Variants in KIF21A observed in about 807,000 individuals in gnomAD.
KIF21A encodes the protein kinesin-like protein KIF21A.
A neutral mutation model predicts 202.9 loss-of-function variants in KIF21A; 114 were observed. The ratio of observed to expected loss-of-function variants is 0.56; its 90% confidence interval spans 0.48 to 0.66. The LOEUF (loss-of-function observed/expected upper bound fraction) is 0.66, where lower values mean the gene tolerates loss of function less well. Ranked by LOEUF, KIF21A falls within the 30% of genes least tolerant of loss-of-function variation. The pLI is 0.00. For synonymous variants in KIF21A, 667 were observed against 670.8 expected (o/e 0.99, Z 0.09); for missense variants, 1,677 against 1,994.9 (o/e 0.84, Z 3.04).
intron 1 of KIF21A, among the ~76,000 whole-genome samples, chr12:39,398,986 G>C (rs965238162): frequency 6.6e-6 from 1 of 152,176 alleles, no homozygotes; most frequent in Admixed American, 6.5e-5. Context: ...CACTTTGGGA[G>C]GCTGAGGCAG....
chr12:39,335,320 G>C (rs1050309001), intron 17 of KIF21A, among the ~76,000 whole-genome samples: 1 of 150,916 alleles, frequency 6.6e-6, no homozygotes, highest in African/African-American at 2.4e-5. Flanking sequence ...GCTGAGGCAG[G>C]AGAATGGCTT....
intron 12 of KIF21A, among the ~76,000 whole-genome samples, chr12:39,343,963 A>G (rs181924190): frequency 1.3e-5 from 2 of 152,222 alleles, no homozygotes; most frequent in South Asian, 4.1e-4. Context: ...TCAAAGATGC[A>G]TAAAGATGCA....
intron 1 of KIF21A, among the ~76,000 whole-genome samples, chr12:39,371,563 A>T (rs1240768640): frequency 6.6e-6 from 1 of 152,214 alleles, no homozygotes; most frequent in Non-Finnish European, 1.5e-5. Flanking sequence ...CACTTACTGT[A>T]CCAAAGTTTT....
At chr12:39,357,005 T>C (rs778059770) in intron 9 of KIF21A, 110 bp from the exon 10 acceptor site, 75 of 688,026 alleles carry the variant, frequency 1.1e-4, no homozygotes, top group Non-Finnish European at 1.8e-4. Context: ...ACACAATTCT[T>C]ACAGCAAATT....
At position 39,341,701 on chromosome 12, in the gene KIF21A, G is replaced by C. The variant is rs551495944; in HGVS notation, c.1804-79C>G. The C allele has an allele frequency of 2.0e-5, 29 of 1,430,364 alleles. No individual in the cohort carries two copies. In the Admixed American group the frequency reaches 5.7e-4, roughly 28 times the overall value. The allele number at this position is 1,430,364 out of a possible 1,614,324, so 88.6% of individuals were successfully genotyped here. On this transcript the variant is annotated intron_variant, in intron 13 of 37. Transcript: ENST00000361418. ...TCCCTCATTGAGAGAGGCTGCTGGA[G>C]TACAAAGTACGGAAACATAAAAAAA...
chr12:39,420,150 T>A (rs1359406280), intron 1 of KIF21A, among the ~76,000 whole-genome samples: 1 of 148,380 alleles, frequency 6.7e-6, no homozygotes, highest in Non-Finnish European at 1.5e-5. Flanking sequence ...GTTTGACGAG[T>A]CACAGATATG....
In KIF21A at chr12:39,340,272, G is replaced by T. The variant is rs763620963; in HGVS notation, c.2203C>A (p.Leu735Ile). Residue 735 changes from leucine (L) to isoleucine (I), a missense_variant, in exon 16 of 38, where the codon CTT becomes ATT. Physicochemically the swap from Leu to Ile is conservative, Grantham distance 5. Transcript: ENST00000361418. ...LQAMNKELQR[L>I]QAAQKEHARL... ...GCATGTTCTTTTTGAGCTGCTTGAA[G>T]TCTCTGCAGTTCTTTGTTCATGGCT... is the stretch of plus-strand genomic sequence containing the variant. 3 of 1,613,020 alleles carry T rather than the reference G, an allele frequency of 1.9e-6. No individual in the cohort carries two copies. In the Admixed American group the frequency reaches 5.0e-5, roughly 27 times the overall value.
chr12:39,365,844 T>C (rs1321533878), intron 6 of KIF21A, among the ~76,000 whole-genome samples: 1 of 151,866 alleles, frequency 6.6e-6, no homozygotes, highest in African/African-American at 2.4e-5. Flanking sequence ...ACCCCATCTC[T>C]ACAAAAAATA....
At chr12:39,308,461 A>T (rs991181053) in intron 33 of KIF21A, among the ~76,000 whole-genome samples, 2 of 151,814 alleles carry the variant, frequency 1.3e-5, no homozygotes, top group African/African-American at 4.8e-5. Context: ...CAGAAGCACC[A>T]CCCCACTCCA....
At chr12:39,380,199 C>T (rs1387783514) in intron 1 of KIF21A, among the ~76,000 whole-genome samples, 2 of 152,188 alleles carry the variant, frequency 1.3e-5, no homozygotes, top group Non-Finnish European at 2.9e-5. Context: ...AACTCCTGTG[C>T]TCAGGCAATC....
intron 8 of KIF21A, among the ~76,000 whole-genome samples, chr12:39,357,797 C>T (rs752793191): frequency 6.6e-6 from 1 of 150,956 alleles, no homozygotes; most frequent in Non-Finnish European, 1.5e-5. Flanking sequence ...ATAATCCCAG[C>T]TACTCAAGAG....
In KIF21A at chr12:39,366,253, T is replaced by C. The variant is rs79482137; in HGVS notation, c.903+97A>G. 2.5e-3 allele frequency: 2,689 copies of C among 1,067,484 alleles called. 62 individuals are homozygous for C. The East Asian group carries it at 0.03, about 12-fold the overall frequency. The allele number at this position is 1,067,484 out of a possible 1,614,324, so 66.1% of individuals were successfully genotyped here. On this transcript the variant is annotated intron_variant, in intron 6 of 37. Transcript: ENST00000361418. The stretch of plus-strand genomic sequence containing the variant: ...CTATAATTTTCATTTCTTGGTTCAG[T>C]ATCTGAAGGATTTCCATATGGATAT...
chr12:39,332,151 G>T, intron 21 of KIF21A, 63 bp downstream of exon 21: 2 of 1,463,308 alleles, frequency 1.4e-6, no homozygotes, highest in South Asian at 2.3e-5. Flanking sequence ...AAAGTGCTTT[G>T]AACAATAAAC....
rs1316995576 is a variant in KIF21A at position 39,386,249 on chromosome 12, TC to T, written c.45-15989del. Among the ~76,000 whole-genome samples, 8 of 152,160 alleles carry T rather than the reference TC, an allele frequency of 5.3e-5. 1 individual carries two copies. In the South Asian group the frequency reaches 8.3e-4, roughly 16 times the overall value. On this transcript the variant is annotated intron_variant, in intron 1 of 37. Coordinates refer to ENST00000361418, the MANE Select transcript of KIF21A (RefSeq NM_001173464.2). ...GGAAAGGATGGGCCTCCTCTTTTTT[TC>T]TTCTTTTTCACTGGCTGGAATGCAG... is the stretch of plus-strand genomic sequence containing the variant.
In KIF21A at chr12:39,293,459, T is replaced by G. The variant is rs1942028151; in HGVS notation, c.*965A>C. On this transcript the variant is annotated 3_prime_UTR_variant, in exon 38 of 38. Transcript: ENST00000361418. ...AAATTCATACAGGCACAACACAAGATAGTCTCTCTATACAATCTACCTATT... is the reference window on the plus strand; with the variant it reads ...AAATTCATACAGGCACAACACAAGAGAGTCTCTCTATACAATCTACCTATT... 2 of 152,604 alleles carry G rather than the reference T, an allele frequency of 1.3e-5. No individual in the cohort carries two copies. The highest frequency in any genetic ancestry group is 4.1e-4 in the South Asian group (2 of 4,836). The allele number at this position is 152,604 out of a possible 1,614,324, so 9.5% of individuals were successfully genotyped here.
At chr12:39,428,116 C>T (rs1381024636) in intron 1 of KIF21A, among the ~76,000 whole-genome samples, 2 of 152,132 alleles carry the variant, frequency 1.3e-5, no homozygotes, top group African/African-American at 2.4e-5. Flanking sequence ...GTTCATTATC[C>T]TAATAGCTTA....
At chr12:39,318,292 CT>C in intron 28 of KIF21A, 91 bp from the exon 29 acceptor site, 1 of 1,259,502 alleles carries the variant, frequency 7.9e-7, no homozygotes, top group Admixed American at 1.9e-5. Flanking sequence ...TAAAAAAAAG[CT>C]TTTTATTAGA....
intron 1 of KIF21A, among the ~76,000 whole-genome samples, chr12:39,370,551 T>C (rs900740090): frequency 6.6e-6 from 1 of 152,132 alleles, no homozygotes; most frequent in Admixed American, 6.5e-5. Context: ...TCCTCTACTC[T>C]GTAAGAGGTA....
At chr12:39,422,252 T>C (rs1348714238) in intron 1 of KIF21A, among the ~76,000 whole-genome samples, 1 of 152,110 alleles carries the variant, frequency 6.6e-6, no homozygotes, top group Non-Finnish European at 1.5e-5. Flanking sequence ...TGAGCCACCA[T>C]GCCCAGCCGC....
Sources: allele counts gnomAD v4.1 joint callset (sites outside exome capture counted in the v4.1 genomes callset), GRCh38; gene constraint gnomAD v4.1.1; transcripts MANE v1.5; gene names NCBI Gene and HGNC (gene_info 2026-07-23, HGNC 2026-07-21).